ROBO2: variants seen among roughly 807,000 people sequenced by gnomAD.
ROBO2 encodes the protein roundabout homolog 2.
A neutral mutation model predicts 160.8 loss-of-function variants in ROBO2; 53 were observed. The ratio of observed to expected loss-of-function variants is 0.33; its 90% confidence interval spans 0.26 to 0.41. The LOEUF (loss-of-function observed/expected upper bound fraction) is 0.41, where lower values mean the gene tolerates loss of function less well. Ranked by LOEUF, ROBO2 falls within the 10% of genes least tolerant of loss-of-function variation. ROBO2 has a pLI of 1.00. For synonymous variants in ROBO2, 664 were observed against 611.7 expected (o/e 1.09, Z -1.26); for missense variants, 1,577 against 1,722.4 (o/e 0.92, Z 1.49).
At chr3:77,081,054 C>G (rs959639702) in intron 1 of ROBO2, among the ~76,000 whole-genome samples, 2 of 151,988 alleles carry the variant, frequency 1.3e-5, no homozygotes, top group Admixed American at 6.6e-5. Context: ...TGTTTATACT[C>G]ACGTGCATGT....
At chr3:76,725,132 G>T (rs1019224415) in intron 2 of ROBO2, among the ~76,000 whole-genome samples, 7 of 152,144 alleles carry the variant, frequency 4.6e-5, no homozygotes, top group African/African-American at 1.7e-4. Flanking sequence ...CAAGTTTGTG[G>T]TCATTTATTA....
intron 2 of ROBO2, among the ~76,000 whole-genome samples, chr3:76,705,096 G>C (rs183890670): frequency 4.0e-4 from 61 of 152,040 alleles, no homozygotes; most frequent in Non-Finnish European, 7.2e-4. Flanking sequence ...GTAAGTGAAT[G>C]AGATTTTAGT....
chr3:75,924,661 T>C (rs1452449824), intron 1 of ROBO2, among the ~76,000 whole-genome samples: 2 of 149,122 alleles, frequency 1.3e-5, no homozygotes, highest in East Asian at 2.0e-4. Flanking sequence ...CTAGGAATTA[T>C]TGGGAATTTA....
intron 2 of ROBO2, among the ~76,000 whole-genome samples, chr3:76,691,729 T>C (rs155469): frequency 0.34 from 51,617 of 151,964 alleles, 9,515 homozygotes; most frequent in East Asian, 0.56. Flanking sequence ...CAGAGTGACT[T>C]GCAGGTTGAA....
intron 2 of ROBO2, among the ~76,000 whole-genome samples, chr3:76,707,054 A>G (rs1056651349): frequency 1.3e-5 from 2 of 152,070 alleles, no homozygotes; most frequent in African/African-American, 4.8e-5. Flanking sequence ...ATGCATGTAT[A>G]TATACATATT....
At chr3:77,047,151 A>G (rs1168469124) in intron 1 of ROBO2, among the ~76,000 whole-genome samples, 1 of 152,194 alleles carries the variant, frequency 6.6e-6, no homozygotes, top group Non-Finnish European at 1.5e-5. Context: ...GAAAAATGGC[A>G]TGAAGATGAC....
intron 2 of ROBO2, among the ~76,000 whole-genome samples, chr3:76,510,044 C>A (rs2081001482): frequency 6.6e-6 from 1 of 152,096 alleles, no homozygotes; most frequent in Non-Finnish European, 1.5e-5. Flanking sequence ...TAAACAAGCA[C>A]ACCCACAAAG....
At chr3:76,745,197 T>C (rs1384575447) in intron 2 of ROBO2, among the ~76,000 whole-genome samples, 2 of 152,160 alleles carry the variant, frequency 1.3e-5, no homozygotes, top group Admixed American at 1.3e-4. Context: ...ACCATACCAA[T>C]ATATCTCTAT....
chr3:76,555,425 G>GAAGAGGAAGAAGAAGAAGAA (rs1399867100), intron 2 of ROBO2, among the ~76,000 whole-genome samples: 2 of 68,472 alleles, frequency 2.9e-5, no homozygotes. Flanking sequence ...AAGAAAGAAG[G>GAAGAGGAAGAAGAAGAAGAA]AGAAGGGGAA....
intron 2 of ROBO2, among the ~76,000 whole-genome samples, chr3:76,244,375 A>G (rs1705488376): frequency 6.6e-6 from 1 of 152,176 alleles, no homozygotes; most frequent in Non-Finnish European, 1.5e-5. Context: ...GGCACTCACT[A>G]TCTTTCCAAC....
chr3:77,509,882 A>G (rs1273093772), intron 5 of ROBO2, among the ~76,000 whole-genome samples: 1 of 152,044 alleles, frequency 6.6e-6, no homozygotes, highest in African/African-American at 2.4e-5. Context: ...TGGAGATTGA[A>G]ATCTAGAGGT....
rs147111622 is a variant in ROBO2, at chr3:76,070,050, C to T, written c.109+132448C>T. 3.2e-4 allele frequency among the ~76,000 whole-genome samples: 49 copies of T among 152,086 alleles called. 1 individual carries two copies. Among genetic ancestry groups the T allele is most frequent in the Middle Eastern group, 3.4e-3 (1 of 294 alleles). On this transcript the variant is annotated intron_variant, in intron 2 of 26. Transcript: ENST00000487694. ...CCTGTCAGATGAGGAGGATGTATGT[C>T]GCCTCAGGACCAAGTGATAATTGCA...
intron 2 of ROBO2, among the ~76,000 whole-genome samples, chr3:77,278,441 C>T (rs1011512575): frequency 1.3e-4 from 19 of 151,992 alleles, no homozygotes; most frequent in African/African-American, 3.9e-4. Context: ...AAATATAACA[C>T]AAAACACATA....
chr3:76,729,444 A>G (rs967568741), intron 2 of ROBO2, among the ~76,000 whole-genome samples: 2 of 152,142 alleles, frequency 1.3e-5, no homozygotes, highest in Non-Finnish European at 2.9e-5. Flanking sequence ...AACCTATGGC[A>G]GCTGAGGTTT....
At chr3:77,379,213 T>G (rs916187779) in intron 2 of ROBO2, among the ~76,000 whole-genome samples, 8 of 152,354 alleles carry the variant, frequency 5.3e-5, no homozygotes, top group African/African-American at 1.4e-4. Context: ...CCCCAAGTGC[T>G]GGGATTACAG....
chr3:77,623,074 T>A (rs1252620116), intron 23 of ROBO2, among the ~76,000 whole-genome samples: 1 of 152,210 alleles, frequency 6.6e-6, no homozygotes, highest in African/African-American at 2.4e-5. Flanking sequence ...TCTATGATGA[T>A]CCCAGGACTA....
At chr3:76,798,268 GAAA>G (rs1253638394) in intron 2 of ROBO2, among the ~76,000 whole-genome samples, 1 of 121,704 alleles carries the variant, frequency 8.2e-6, no homozygotes, top group Non-Finnish European at 1.7e-5. Context: ...AGGAAAGAAA[GAAA>G]GAAAGAAAGA....
At chr3:75,957,093 C>T (rs1349513381) in intron 2 of ROBO2, among the ~76,000 whole-genome samples, 2 of 151,496 alleles carry the variant, frequency 1.3e-5, no homozygotes, top group Non-Finnish European at 3.0e-5. Flanking sequence ...ACTTAGTGTG[C>T]AAGGCCTACA....
At chr3:77,373,139 TA>T (rs1276343792) in intron 2 of ROBO2, among the ~76,000 whole-genome samples, 2 of 147,136 alleles carry the variant, frequency 1.4e-5, no homozygotes, top group African/African-American at 2.4e-5. Flanking sequence ...AAAATTATTA[TA>T]AAAATTATTA....
Sources: allele counts gnomAD v4.1 joint callset (sites outside exome capture counted in the v4.1 genomes callset), GRCh38; gene constraint gnomAD v4.1.1; transcripts MANE v1.5; gene names NCBI Gene and HGNC (gene_info 2026-07-23, HGNC 2026-07-21).